PRKCB: variants seen among roughly 807,000 people sequenced by gnomAD.
PRKCB encodes protein kinase C beta type.
A neutral mutation model predicts 81.5 loss-of-function variants in PRKCB; 13 were observed. The observed-to-expected ratio is 0.16, with a 90% confidence interval of 0.10 to 0.25. The LOEUF is 0.25. Ranked by LOEUF, PRKCB falls within the 10% of genes least tolerant of loss-of-function variation. PRKCB has a pLI of 1.00. For synonymous variants in PRKCB, 335 were observed against 321.4 expected (o/e 1.04, Z -0.45); for missense variants, 509 against 875.7 (o/e 0.58, Z 5.29).
chr16:24,089,950 T>G (rs982387369), intron 5 of PRKCB, among the ~76,000 whole-genome samples: 1 of 152,354 alleles, frequency 6.6e-6, no homozygotes, highest in East Asian at 1.9e-4. Flanking sequence ...AATTTTACTC[T>G]TGTAACAACC....
At chr16:24,181,293 A>G (rs1472758116) in intron 13 of PRKCB, among the ~76,000 whole-genome samples, 1 of 152,242 alleles carries the variant, frequency 6.6e-6, no homozygotes, top group Non-Finnish European at 1.5e-5. Context: ...CTGGGCTGGC[A>G]TATGACATGG....
intron 3 of PRKCB, among the ~76,000 whole-genome samples, chr16:24,020,935 G>T (rs1320254091): frequency 3.3e-5 from 5 of 151,960 alleles, no homozygotes; most frequent in Non-Finnish European, 7.4e-5. Context: ...CCACCTGTGG[G>T]CAAAGCTGCA....
intron 13 of PRKCB, among the ~76,000 whole-genome samples, chr16:24,182,356 C>T (rs955020381): frequency 6.6e-6 from 1 of 151,804 alleles, no homozygotes; most frequent in Admixed American, 6.6e-5. Context: ...CTAATCTCTA[C>T]AAAAAAAATT....
intron 16 of PRKCB, among the ~76,000 whole-genome samples, chr16:24,209,356 G>C (rs1487088667): frequency 6.6e-6 from 1 of 151,994 alleles, no homozygotes. Flanking sequence ...GGATGACTGC[G>C]GCAGTCTCTC....
At chr16:24,201,597 G>A (rs1274552346) in intron 16 of PRKCB, among the ~76,000 whole-genome samples, 1 of 152,202 alleles carries the variant, frequency 6.6e-6, no homozygotes, top group African/African-American at 2.4e-5. Flanking sequence ...GGGATGGAAT[G>A]TGCTGATTGA....
chr16:23,857,483 A>G (rs746966186), intron 2 of PRKCB, among the ~76,000 whole-genome samples: 7 of 152,086 alleles, frequency 4.6e-5, no homozygotes, highest in Non-Finnish European at 1.0e-4. Context: ...CCTCCAGCCG[A>G]GACTTCCAAG....
At chr16:24,189,992 A>C (rs1282110981) in intron 15 of PRKCB, among the ~76,000 whole-genome samples, 1 of 152,104 alleles carries the variant, frequency 6.6e-6, no homozygotes, top group Non-Finnish European at 1.5e-5. Flanking sequence ...TCAAGTCTTG[A>C]GATCAGAGAT....
At position 24,119,091 on chromosome 16, in the gene PRKCB, ACT is replaced by A. The variant is rs749729034; in HGVS notation, c.919-4741_919-4740del. Among the ~76,000 whole-genome samples, 187 of 151,486 alleles carry A rather than the reference ACT, an allele frequency of 1.2e-3. 1 individual carries two copies. The highest frequency in any genetic ancestry group is 2.0e-3 in the Non-Finnish European group (139 of 67,966). On this transcript the variant is annotated intron_variant, in intron 8 of 16. Coordinates refer to ENST00000643927, the MANE Select transcript of PRKCB (RefSeq NM_002738.7). ...TAATTAAATATTAAAATGACAACAA[ACT>A]CTGTGCAGACCAGACCAACAGGGTT... is the stretch of plus-strand genomic sequence containing the variant.
At chr16:24,096,994 A>G (rs1966453256) in intron 7 of PRKCB, among the ~76,000 whole-genome samples, 1 of 141,294 alleles carries the variant, frequency 7.1e-6, no homozygotes, top group Admixed American at 7.1e-5. Flanking sequence ...TGTTCACCTT[A>G]TGACTTCCTT....
At chr16:23,856,429 A>C (rs1225937869) in intron 2 of PRKCB, among the ~76,000 whole-genome samples, 1 of 152,190 alleles carries the variant, frequency 6.6e-6, no homozygotes, top group Non-Finnish European at 1.5e-5. Context: ...TTAGAAGTTC[A>C]TGAAGTCAAT....
intron 7 of PRKCB, among the ~76,000 whole-genome samples, chr16:24,107,334 A>G (rs1432915888): frequency 6.6e-6 from 1 of 152,126 alleles, no homozygotes; most frequent in African/African-American, 2.4e-5. Context: ...TTTTTCACAC[A>G]TCCTATTGTG....
chr16:24,111,630 A>G (rs1966677315), intron 7 of PRKCB, among the ~76,000 whole-genome samples: 1 of 104,424 alleles, frequency 9.6e-6, no homozygotes. Flanking sequence ...CTGCCAGAAA[A>G]GAAAAAAAAG....
At chr16:24,173,832 A>G (rs1258683160) in intron 11 of PRKCB, among the ~76,000 whole-genome samples, 1 of 152,168 alleles carries the variant, frequency 6.6e-6, no homozygotes. Flanking sequence ...TCTAACCCTC[A>G]GTTTCCTCAT....
intron 2 of PRKCB, among the ~76,000 whole-genome samples, chr16:23,868,300 A>C (rs946186873): frequency 7.9e-5 from 12 of 152,212 alleles, no homozygotes; most frequent in Non-Finnish European, 1.8e-4. Context: ...GGAAGCAAAA[A>C]ATAAAACTCA....
In PRKCB at chr16:24,215,939, T is replaced by A; in HGVS notation, c.*1123T>A. 2 of 984,726 alleles carry A rather than the reference T, an allele frequency of 2.0e-6. No homozygotes were observed. The highest frequency in any genetic ancestry group is 2.4e-6 in the Non-Finnish European group (2 of 829,798). The allele number at this position is 984,726 out of a possible 1,614,324, so 61.0% of individuals were successfully genotyped here. A position where few individuals can be genotyped will look rare whatever the true frequency, so the allele number is the denominator to read the frequency against. On this transcript the variant is annotated 3_prime_UTR_variant, in exon 17 of 17. Transcript: ENST00000643927. ...ATGTTTGTGGAAATGTTCATTTGTATCTGGATCTCTGTTATGTGCCATTTT... is the reference window on the plus strand; with the variant it reads ...ATGTTTGTGGAAATGTTCATTTGTAACTGGATCTCTGTTATGTGCCATTTT...
intron 12 of PRKCB, among the ~76,000 whole-genome samples, chr16:24,178,159 G>A (rs1189109243): frequency 6.6e-6 from 1 of 152,204 alleles, no homozygotes; most frequent in Non-Finnish European, 1.5e-5. Flanking sequence ...CCATCTTTAA[G>A]GAACTGGAGA....
chr16:23,933,703 A>G (rs1254229219), intron 2 of PRKCB, among the ~76,000 whole-genome samples: 1 of 142,250 alleles, frequency 7.0e-6, no homozygotes, highest in African/African-American at 2.7e-5. Context: ...TTTTCTATCC[A>G]TCCATCCATT....
intron 10 of PRKCB, among the ~76,000 whole-genome samples, chr16:24,163,759 G>A (rs1386210397): frequency 6.6e-6 from 1 of 152,246 alleles, no homozygotes; most frequent in Non-Finnish European, 1.5e-5. Context: ...GCATGGACTT[G>A]ACATGCGTCA....
intron 5 of PRKCB, among the ~76,000 whole-genome samples, chr16:24,073,966 C>G (rs564251537): frequency 2.0e-5 from 3 of 151,766 alleles, no homozygotes; most frequent in Admixed American, 2.0e-4. Context: ...CATGGTGAAA[C>G]CCCGATACAA....
Sources: allele counts gnomAD v4.1 joint callset (sites outside exome capture counted in the v4.1 genomes callset), GRCh38; gene constraint gnomAD v4.1.1; transcripts MANE v1.5; gene names NCBI Gene and HGNC (gene_info 2026-07-23, HGNC 2026-07-21).